The following ZFHX3 variants were observed in gnomAD, a reference collection of about 807,000 sequenced individuals.
ZFHX3 encodes zinc finger homeobox protein 3.
A neutral mutation model predicts 279.1 loss-of-function variants in ZFHX3; 42 were observed. That is an observed-to-expected ratio of 0.15 (90% CI 0.12 to 0.19). The LOEUF is 0.19. ZFHX3 is among the 10% of genes least tolerant of loss of function. ZFHX3 has a pLI of 1.00. For synonymous variants in ZFHX3, 2,293 were observed against 1,957.8 expected, an observed-to-expected ratio of 1.17 and a Z score of -4.52; for missense variants, 4,981 against 4,754.0, an observed-to-expected ratio of 1.05 and a Z score of -1.40.
chr16:73,857,683 G>A (rs929991916), intron 1 of ZFHX3, among the ~76,000 whole-genome samples: 1 of 152,192 alleles, frequency 6.6e-6, no homozygotes, highest in Non-Finnish European at 1.5e-5. Flanking sequence ...ACTTGCGCTA[G>A]GGTTTTTGTT....
At chr16:73,706,570 T>C (rs1408461361) in intron 1 of ZFHX3, among the ~76,000 whole-genome samples, 1 of 152,150 alleles carries the variant, frequency 6.6e-6, no homozygotes, top group Non-Finnish European at 1.5e-5. Flanking sequence ...TGAAATAATA[T>C]TCAAGGCTCT....
intron 2 of ZFHX3, among the ~76,000 whole-genome samples, chr16:73,496,845 G>A (rs1020560730): frequency 1.1e-4 from 17 of 152,148 alleles, no homozygotes; most frequent in Non-Finnish European, 1.9e-4. Context: ...GCTTCCCCTC[G>A]CCTCCTCCCT....
intron 1 of ZFHX3, among the ~76,000 whole-genome samples, chr16:73,765,272 G>C (rs1018623141): frequency 6.6e-6 from 1 of 152,156 alleles, no homozygotes; most frequent in African/African-American, 2.4e-5. Flanking sequence ...GCAAATGGGT[G>C]GTGGTTGTTT....
At position 73,435,429 on chromosome 16, in the gene ZFHX3, C is replaced by T. The variant is rs533068733; in HGVS notation, c.-1291+20574G>A. ...TTTGCCATGTTGGGCAGGCTGGTCT[C>T]GAACTCCTGACCTCAGGTGATCTGC... On this transcript the variant is annotated intron_variant, in intron 3 of 17. Transcript: ENST00000641206. Among the ~76,000 whole-genome samples the T allele has an allele frequency of 5.3e-5, 8 of 152,070 alleles. No individual in the cohort carries two copies. In the South Asian group the frequency reaches 1.0e-3, roughly 20 times the overall value.
intron 5 of ZFHX3, among the ~76,000 whole-genome samples, chr16:73,183,313 G>A (rs1448475088): frequency 6.6e-6 from 1 of 152,166 alleles, no homozygotes; most frequent in Non-Finnish European, 1.5e-5. Context: ...TAGGAAGCCT[G>A]CATGTGTACC....
At chr16:72,964,168 A>G (rs926404045) in intron 1 of ZFHX3, among the ~76,000 whole-genome samples, 12 of 152,190 alleles carry the variant, frequency 7.9e-5, no homozygotes, top group Admixed American at 2.0e-4. Context: ...TCAGAAGTGC[A>G]CATCCCTCCC....
intron 4 of ZFHX3, among the ~76,000 whole-genome samples, chr16:73,310,944 A>G (rs2015309666): frequency 6.6e-6 from 1 of 152,102 alleles, no homozygotes; most frequent in Non-Finnish European, 1.5e-5. Flanking sequence ...ATAAACACAA[A>G]CACCCCAGCC....
chr16:73,835,378 G>T (rs552612001), intron 1 of ZFHX3, among the ~76,000 whole-genome samples: 1 of 145,366 alleles, frequency 6.9e-6, no homozygotes, highest in Non-Finnish European at 1.5e-5. Flanking sequence ...TTTTCCCACC[G>T]TCCCTCTTCT....
chr16:73,163,200 C>T (rs1259412256), intron 5 of ZFHX3, among the ~76,000 whole-genome samples: 1 of 152,184 alleles, frequency 6.6e-6, no homozygotes, highest in East Asian at 1.9e-4. Flanking sequence ...TCCCATGAGA[C>T]AGCTTAATGC....
intron 2 of ZFHX3, among the ~76,000 whole-genome samples, chr16:73,647,184 T>A (rs1029788553): frequency 2.0e-5 from 3 of 152,076 alleles, no homozygotes; most frequent in Admixed American, 2.0e-4. Flanking sequence ...AGCTAATTTT[T>A]TGTATTTTTA....
chr16:72,989,943 G>A (rs1357357500), intron 1 of ZFHX3, among the ~76,000 whole-genome samples: 1 of 152,212 alleles, frequency 6.6e-6, no homozygotes, highest in African/African-American at 2.4e-5. Context: ...CTCTGGCTCA[G>A]GAAAAGAGAA....
chr16:73,660,080 A>G (rs1355287672), intron 2 of ZFHX3, among the ~76,000 whole-genome samples: 1 of 152,220 alleles, frequency 6.6e-6, no homozygotes, highest in Non-Finnish European at 1.5e-5. Context: ...GTTGGCATAT[A>G]CATTCAGAAC....
intron 2 of ZFHX3, among the ~76,000 whole-genome samples, chr16:73,483,164 C>T (rs1036415055): frequency 6.6e-6 from 1 of 152,080 alleles, no homozygotes; most frequent in Admixed American, 6.5e-5. Flanking sequence ...CATCTGAGGC[C>T]CGATCCCTCC....
chr16:73,530,198 T>C (rs2019774134), intron 2 of ZFHX3, among the ~76,000 whole-genome samples: 1 of 152,098 alleles, frequency 6.6e-6, no homozygotes, highest in African/African-American at 2.4e-5. Context: ...GTGAAAGGGT[T>C]TCCCCTTATA....
intron 3 of ZFHX3, among the ~76,000 whole-genome samples, chr16:73,455,546 C>T (rs1336878979): frequency 6.6e-6 from 1 of 152,126 alleles, no homozygotes; most frequent in East Asian, 1.9e-4. Context: ...AGCAAAAGCT[C>T]ATAATTCAAT....
intron 4 of ZFHX3, among the ~76,000 whole-genome samples, chr16:72,884,963 T>G (rs2038587075): frequency 6.6e-6 from 1 of 152,218 alleles, no homozygotes; most frequent in South Asian, 2.1e-4. Flanking sequence ...TTCCAGAGAC[T>G]ACTTGGTCTT....
intron 2 of ZFHX3, among the ~76,000 whole-genome samples, chr16:73,559,515 C>T (rs2020338579): frequency 6.6e-6 from 1 of 152,144 alleles, no homozygotes; most frequent in Admixed American, 6.5e-5. Context: ...TTAGAAGATA[C>T]TGGGCCACCT....
chr16:72,950,668 T>C lies in ZFHX3; in HGVS notation c.3017A>G (p.Asp1006Gly). The change falls in exon 3 of 10, where the codon GAC becomes GGC. Residue 1006 changes from aspartate (D) to glycine (G), a missense_variant. Physicochemically the swap from Asp to Gly is moderately conservative, Grantham distance 94. This residue lies in a region of ZFHX3 where 1,751 missense variants were observed against 1,770.0 expected (regional missense o/e 0.99). Transcript: ENST00000268489. ...CAGCTGGTACTTCTGCACGTGCTTG[T>C]CTGTCTTGCAGTGCAGCTGGAAGTT... ...KANFQLHCKT[D>G]KHVQKYQLVA... The C allele has an allele frequency of 6.2e-7, 1 of 1,614,220 alleles. No homozygotes were observed. Among genetic ancestry groups the C allele is most frequent in the Non-Finnish European group, 8.5e-7 (1 of 1,180,030 alleles).
chr16:73,580,446 C>A (rs779422380), intron 2 of ZFHX3, among the ~76,000 whole-genome samples: 1 of 151,708 alleles, frequency 6.6e-6, no homozygotes, highest in African/African-American at 2.4e-5. Flanking sequence ...CCACTGCACT[C>A]CAGCCTGGCA....
Sources: gnomAD v4.1 joint callset for allele counts (sites outside exome capture counted in the v4.1 genomes callset) on GRCh38, gnomAD v4.1.1 for gene constraint, gnomAD v4.1.1 regional missense constraint, MANE v1.5 for transcripts, NCBI Gene and HGNC (gene_info 2026-07-23, HGNC 2026-07-21) for gene names.